The following FGF1 variants were observed in gnomAD, a reference collection of about 807,000 sequenced individuals.
FGF1 encodes the protein fibroblast growth factor 1.
In FGF1, 9 loss-of-function variants were observed where a neutral mutation model predicts 13.4. That is an observed-to-expected ratio of 0.67 (90% CI 0.40 to 1.17). The LOEUF (loss-of-function observed/expected upper bound fraction) is 1.17. Among genes scored for constraint, FGF1 ranks in the 50% most tolerant of loss-of-function variants. The probability of loss-of-function intolerance (pLI) is 0.01; values close to 1 mark genes in which losing one functional copy is unlikely to be tolerated. For missense variants in FGF1, 156 were observed against 192.7 expected, an observed-to-expected ratio of 0.81 and a Z score of 1.13; for synonymous variants, 93 against 79.0, an observed-to-expected ratio of 1.18 and a Z score of -0.94.
rs774109079 is a variant in FGF1 at position 142,595,352 on chromosome 5, G to A, written c.406C>T (p.Pro136Ser). The part of the protein sequence containing the change: ...LKKNGSCKRG[P>S]RTHYGQKAIL... Reference sequence around the variant, plus strand: ...GCTTTCTGGCCATAGTGAGTCCGAGGACCGCGTTTGCAGCTCCCATTCTTC... The same window carrying A: ...GCTTTCTGGCCATAGTGAGTCCGAGAACCGCGTTTGCAGCTCCCATTCTTC... Residue 136 changes from proline to serine, a missense_variant, in exon 4 of 4, where the codon CCT (proline) becomes TCT (serine). By Grantham distance (74) the Pro-to-Ser change is moderately conservative. Transcript: ENST00000337706. 5.0e-6 allele frequency: 8 copies of A among 1,613,932 alleles called. No individual in the cohort carries two copies. In the African/African-American group the frequency reaches 1.1e-4, roughly 22 times the overall value.
At chr5:142,654,114 A>T (rs1255594571) in intron 1 of FGF1, among the ~76,000 whole-genome samples, 1 of 152,202 alleles carries the variant, frequency 6.6e-6, no homozygotes, top group South Asian at 2.1e-4. Flanking sequence ...TCCACCTTGT[A>T]TGTAATTCTA....
chr5:142,670,585 C>T (rs1379360786), intron 1 of FGF1, among the ~76,000 whole-genome samples: 3 of 152,028 alleles, frequency 2.0e-5, no homozygotes, highest in African/African-American at 4.8e-5. Flanking sequence ...CATGTTTTAT[C>T]TTTGAATCTC....
intron 1 of FGF1, among the ~76,000 whole-genome samples, chr5:142,657,393 T>G (rs909844724): frequency 6.6e-6 from 1 of 152,028 alleles, no homozygotes; most frequent in African/African-American, 2.4e-5. Context: ...CAGCCCAGCT[T>G]TCTGAAGGAT....
chr5:142,628,445 G>C (rs1055213517), intron 1 of FGF1, among the ~76,000 whole-genome samples: 1 of 152,222 alleles, frequency 6.6e-6, no homozygotes, highest in East Asian at 1.9e-4. Flanking sequence ...AGGAGGCAGA[G>C]GTTGCAGTGA....
intron 1 of FGF1, among the ~76,000 whole-genome samples, chr5:142,663,168 G>A (rs563964291): frequency 6.6e-6 from 1 of 151,426 alleles, no homozygotes; most frequent in Non-Finnish European, 1.5e-5. Flanking sequence ...TTGAAAGAAA[G>A]TTAGGCTGAG....
At chr5:142,640,437 G>A (rs1765003276) in intron 1 of FGF1, among the ~76,000 whole-genome samples, 1 of 144,502 alleles carries the variant, frequency 6.9e-6, no homozygotes, top group Admixed American at 6.9e-5. Context: ...GGGGGGGGGG[G>A]TCTCTCTGAG....
intron 1 of FGF1, among the ~76,000 whole-genome samples, chr5:142,629,457 C>A (rs948343708): frequency 6.6e-6 from 1 of 152,208 alleles, no homozygotes; most frequent in Non-Finnish European, 1.5e-5. Context: ...AGCCACTGCG[C>A]TGGGCTGCAA....
At chr5:142,662,813 TTA>T (rs1249694117) in intron 1 of FGF1, among the ~76,000 whole-genome samples, 2 of 152,096 alleles carry the variant, frequency 1.3e-5, no homozygotes, top group African/African-American at 4.8e-5. Flanking sequence ...CAGTAAAGGT[TTA>T]GAGTATTAAA....
In FGF1 at chr5:142,613,122, T is replaced by G. The variant is rs1759428586; in HGVS notation, c.169+837A>C. ...GGGACTGGATCTGACTTTAGGCTTC[T>G]TTGTAACCTCTGATGCTGCAGTGGG... is the stretch of plus-strand genomic sequence containing the variant. On this transcript the variant is annotated intron_variant, in intron 2 of 3. Coordinates refer to ENST00000337706, the MANE Select transcript of FGF1 (RefSeq NM_000800.5). Among the ~76,000 whole-genome samples the G allele has an allele frequency of 2.0e-5, 3 of 152,358 alleles. 1 individual carries two copies. In the South Asian group the frequency reaches 6.2e-4, roughly 32 times the overall value.
At chr5:142,662,139 G>C (rs1047469914) in intron 1 of FGF1, among the ~76,000 whole-genome samples, 8 of 152,298 alleles carry the variant, frequency 5.3e-5, no homozygotes, top group Admixed American at 2.6e-4. Flanking sequence ...TGAGGGAGGG[G>C]GAAGCGGGGA....
At chr5:142,678,430 C>A (rs889536922) in intron 1 of FGF1, among the ~76,000 whole-genome samples, 1 of 152,304 alleles carries the variant, frequency 6.6e-6, no homozygotes, top group African/African-American at 2.4e-5. Context: ...CATTCAGGCA[C>A]CTGCAAGGCT....
intron 1 of FGF1, among the ~76,000 whole-genome samples, chr5:142,625,473 C>A (rs1762309102): frequency 6.6e-6 from 1 of 152,148 alleles, no homozygotes; most frequent in African/African-American, 2.4e-5. Flanking sequence ...GTCAGGAATT[C>A]TTTTAAGTGC....
intron 2 of FGF1, among the ~76,000 whole-genome samples, chr5:142,603,009 A>C (rs1171318931): frequency 1.1e-4 from 16 of 152,100 alleles, no homozygotes; most frequent in Admixed American, 1.0e-3. Flanking sequence ...TCCAGTGGCA[A>C]CTGGAGTTTA....
rs1167032582 is a variant in FGF1 at position 142,593,451 on chromosome 5, G to A, written c.*1839C>T. The A allele has an allele frequency of 6.6e-6, 1 of 152,114 alleles. No individual in the cohort carries two copies. Among genetic ancestry groups the A allele is most frequent in the African/African-American group, 2.4e-5 (1 of 41,412 alleles). 9.4% of individuals were successfully genotyped at this position (152,114 alleles called of 1,614,324 possible). On this transcript the variant is annotated 3_prime_UTR_variant, in exon 4 of 4. Coordinates refer to ENST00000337706, the MANE Select transcript of FGF1 (RefSeq NM_000800.5). Reference sequence around the variant, plus strand: ...AATTCTTCAATTGCACTATTGCTTTGAACTTTCACAAACTGTCATTTTCCT... The same window carrying A: ...AATTCTTCAATTGCACTATTGCTTTAAACTTTCACAAACTGTCATTTTCCT...
chr5:142,647,949 G>C (rs535656324), intron 1 of FGF1, among the ~76,000 whole-genome samples: 109 of 152,232 alleles, frequency 7.2e-4, no homozygotes, highest in South Asian at 2.5e-3. Context: ...GCTGGGCGTG[G>C]TGGTGCGCAC....
chr5:142,690,654 G>A (rs144293089), upstream of FGF1, among the ~76,000 whole-genome samples: 69 of 152,326 alleles, frequency 4.5e-4, 1 homozygote, highest in Admixed American at 2.3e-3. Flanking sequence ...GAGTATTGGG[G>A]TATCTTCCTA....
chr5:142,612,220 G>A (rs762221352), intron 2 of FGF1, among the ~76,000 whole-genome samples: 3 of 152,214 alleles, frequency 2.0e-5, no homozygotes, highest in Non-Finnish European at 4.4e-5. Flanking sequence ...GACTCCAGAA[G>A]TTGTGCCAGT....
chr5:142,626,015 C>T (rs544285719), intron 1 of FGF1, among the ~76,000 whole-genome samples: 6 of 152,204 alleles, frequency 3.9e-5, no homozygotes, highest in African/African-American at 1.4e-4. Flanking sequence ...ACTCAATAGC[C>T]GACTCTGGAC....
chr5:142,627,583 T>C (rs758957337), intron 1 of FGF1, among the ~76,000 whole-genome samples: 7 of 152,184 alleles, frequency 4.6e-5, no homozygotes, highest in Non-Finnish European at 7.3e-5. Flanking sequence ...GCTCATTTCA[T>C]ATGTCAGACT....
Sources: gnomAD v4.1 joint callset for allele counts (sites outside exome capture counted in the v4.1 genomes callset) on GRCh38, gnomAD v4.1.1 for gene constraint, MANE v1.5 for transcripts, NCBI Gene and HGNC (gene_info 2026-07-23, HGNC 2026-07-21) for gene names.